FGF14: variants seen among roughly 807,000 people sequenced by gnomAD.
The protein encoded by FGF14 is fibroblast growth factor 14, also known as fibroblast growth factor homologous factor 4.
Under a neutral mutation model 25.5 loss-of-function variants are expected in FGF14, and 5 were observed. The observed-to-expected ratio is 0.20, with a 90% CI of 0.10 to 0.41. The LOEUF (loss-of-function observed/expected upper bound fraction) is 0.41. Ranked by LOEUF, FGF14 falls within the 10% of genes least tolerant of loss-of-function variation. The pLI is 1.00. For synonymous variants in FGF14, 138 were observed against 118.3 expected (o/e 1.17, Z -1.08); for missense variants, 222 against 320.1 (o/e 0.69, Z 2.34).
intron 3 of FGF14, among the ~76,000 whole-genome samples, chr13:101,786,090 C>G (rs924478790): frequency 1.3e-5 from 2 of 152,178 alleles, no homozygotes; most frequent in African/African-American, 4.8e-5. Context: ...ACAGCGCTGG[C>G]TGCTCACAAC....
In FGF14 at chr13:102,369,326, T is replaced by A; in HGVS notation, c.208+32145A>T. On this transcript the variant is annotated intron_variant, in intron 1 of 4. Coordinates refer to the FGF14 transcript ENST00000376131. ...CTGCTCTCCCTCTCCTCAACAAAAG[T>A]AAGACAATAAATTGCCCAGATCCAT... Among the ~76,000 whole-genome samples, 2 of 152,146 alleles carry A rather than the reference T, an allele frequency of 1.3e-5. 1 individual carries two copies. The highest frequency in any genetic ancestry group is 3.8e-4 in the East Asian group (2 of 5,198).
At chr13:102,243,267 G>A (rs1386188680) in intron 1 of FGF14, among the ~76,000 whole-genome samples, 1 of 152,060 alleles carries the variant, frequency 6.6e-6, no homozygotes, top group Non-Finnish European at 1.5e-5. Flanking sequence ...CTTTGTCATA[G>A]CAGCTTAGCT....
rs547264190 is a variant in FGF14, at chr13:101,826,223, T to C, written c.408+42502A>G. ...AGTCTTTTTTCTACCATTCTCTCAATGTTTCCATATTTAAATACCATTTCA... is the reference window on the plus strand; with the variant it reads ...AGTCTTTTTTCTACCATTCTCTCAACGTTTCCATATTTAAATACCATTTCA... On this transcript the variant is annotated intron_variant, in intron 3 of 4. Transcript: ENST00000376143. Among the ~76,000 whole-genome samples the C allele has an allele frequency of 3.3e-5, 5 of 152,212 alleles. No homozygotes were observed. In the South Asian group the frequency reaches 1.0e-3, roughly 32 times the overall value.
intron 1 of FGF14, among the ~76,000 whole-genome samples, chr13:102,141,798 T>G (rs943165438): frequency 1.3e-5 from 2 of 152,186 alleles, no homozygotes; most frequent in Non-Finnish European, 2.9e-5. Flanking sequence ...CTGCATAAAT[T>G]TATGCATCTA....
At chr13:101,961,497 T>C (rs758380425) in intron 1 of FGF14, among the ~76,000 whole-genome samples, 2 of 152,176 alleles carry the variant, frequency 1.3e-5, no homozygotes, top group Non-Finnish European at 2.9e-5. Context: ...CAGGTGGTTG[T>C]AGGTGTCTGG....
intron 1 of FGF14, among the ~76,000 whole-genome samples, chr13:102,185,105 C>G (rs1375087952): frequency 6.6e-6 from 1 of 152,004 alleles, no homozygotes. Flanking sequence ...TAAAAATACA[C>G]TAAGAAATTA....
intron 1 of FGF14, among the ~76,000 whole-genome samples, chr13:102,316,367 G>C (rs1488611208): frequency 6.6e-6 from 1 of 152,028 alleles, no homozygotes; most frequent in Non-Finnish European, 1.5e-5. Context: ...AAGTTGATGG[G>C]GTGACAGATA....
At chr13:102,104,298 G>C (rs773075917) in intron 1 of FGF14, among the ~76,000 whole-genome samples, 1 of 152,134 alleles carries the variant, frequency 6.6e-6, no homozygotes, top group Non-Finnish European at 1.5e-5. Flanking sequence ...ATTCATTTCT[G>C]ACAATATCTT....
chr13:102,171,017 G>A (rs2048223371), intron 1 of FGF14, among the ~76,000 whole-genome samples: 1 of 152,102 alleles, frequency 6.6e-6, no homozygotes, highest in East Asian at 1.9e-4. Flanking sequence ...TTAAAGAAGT[G>A]ATTGACTTTG....
chr13:101,969,050 C>T (rs2037424233), intron 1 of FGF14, among the ~76,000 whole-genome samples: 1 of 152,064 alleles, frequency 6.6e-6, no homozygotes, highest in African/African-American at 2.4e-5. Context: ...TTGAAAGAAA[C>T]AAGGATGGTC....
chr13:101,865,857 C>A (rs1336019153), intron 3 of FGF14, among the ~76,000 whole-genome samples: 3 of 152,032 alleles, frequency 2.0e-5, no homozygotes, highest in Non-Finnish European at 4.4e-5. Flanking sequence ...TTACACTGCA[C>A]AAAAATTAAA....
intron 1 of FGF14, among the ~76,000 whole-genome samples, chr13:102,122,764 T>C (rs2045785630): frequency 3.9e-5 from 6 of 152,324 alleles, no homozygotes; most frequent in Admixed American, 2.0e-4. Context: ...CAAATACTTA[T>C]TGAGGATGTA....
intron 4 of FGF14, chr13:101,723,254 G>A (rs779490168): frequency 5.0e-5 from 21 of 422,542 alleles, no homozygotes; most frequent in Non-Finnish European, 9.1e-5. Context: ...CCTCTTTGTG[G>A]GTCCATGATG....
At chr13:102,161,659 A>AT (rs1566765366) in intron 1 of FGF14, among the ~76,000 whole-genome samples, 855 of 27,474 alleles carry the variant, frequency 0.031, 74 homozygotes, top group Admixed American at 0.097. Context: ...GAAGAAGAAG[A>AT]AGAAGAAGAA....
Position 101,907,549 on chromosome 13 carries a change from C to T in FGF14, c.193+8904G>A, listed in dbSNP as rs547373505. 4.1e-4 allele frequency among the ~76,000 whole-genome samples: 63 copies of T among 151,980 alleles called. 1 individual carries two copies. In the South Asian group the frequency reaches 0.011, roughly 27 times the overall value. On this transcript the variant is annotated intron_variant, in intron 1 of 4. Coordinates refer to ENST00000376143, the MANE Select transcript of FGF14 (RefSeq NM_004115.4). ...TGATCACTTGCAGGTCATGGGTGAC[C>T]GTGACAAGAACAGTTTGTTACTGGG...
intron 1 of FGF14, among the ~76,000 whole-genome samples, chr13:102,339,382 G>A (rs893877528): frequency 1.1e-4 from 17 of 151,976 alleles, no homozygotes; most frequent in African/African-American, 3.6e-4. Context: ...AGTTTCAGTA[G>A]AAAAGACCAA....
At chr13:102,339,839 A>C (rs999319143) in intron 1 of FGF14, among the ~76,000 whole-genome samples, 2 of 152,330 alleles carry the variant, frequency 1.3e-5, no homozygotes, top group African/African-American at 4.8e-5. Context: ...GAACAATGAT[A>C]GCATGGGCTA....
chr13:102,036,138 TATA>T (rs1292440546), intron 1 of FGF14, among the ~76,000 whole-genome samples: 3 of 152,112 alleles, frequency 2.0e-5, no homozygotes, highest in Non-Finnish European at 4.4e-5. Flanking sequence ...AAGCCCTTCT[TATA>T]ATGACTCTGA....
At chr13:101,994,483 C>A (rs1230297735) in intron 1 of FGF14, among the ~76,000 whole-genome samples, 1 of 151,902 alleles carries the variant, frequency 6.6e-6, no homozygotes, top group African/African-American at 2.4e-5. Context: ...TTACAAATAA[C>A]AAGACTTTTT....
Sources: allele counts gnomAD v4.1 joint callset (sites outside exome capture counted in the v4.1 genomes callset), GRCh38; gene constraint gnomAD v4.1.1; transcripts MANE v1.5; gene names NCBI Gene and HGNC (gene_info 2026-07-23, HGNC 2026-07-21).